The following ZNF333 variants were observed in gnomAD, a reference collection of about 807,000 sequenced individuals.
ZNF333 encodes zinc finger protein 333.
In ZNF333, 61 loss-of-function variants were observed where a neutral mutation model predicts 76.1. The observed-to-expected ratio is 0.80, with a 90% CI of 0.65 to 0.99. ZNF333 has a LOEUF of 0.99. Ranked by LOEUF, ZNF333 falls within the 50% of genes least tolerant of loss-of-function variation. ZNF333 has a pLI of 0.00. For missense variants in ZNF333, 717 were observed against 822.4 expected (o/e 0.87, Z 1.57); for synonymous variants, 284 against 305.0 (o/e 0.93, Z 0.72).
chr19:14,716,043 G>A (rs2042419714), intron 8 of ZNF333, 69 bp from the exon 9 acceptor site: 8 of 1,596,000 alleles, frequency 5.0e-6, no homozygotes, highest in Non-Finnish European at 6.8e-6. Context: ...AGGCTTGCCA[G>A]CCTCCAGCAT....
intron 2 of ZNF333, among the ~76,000 whole-genome samples, chr19:14,694,344 G>A (rs1973005328): frequency 6.6e-6 from 1 of 151,994 alleles, no homozygotes; most frequent in African/African-American, 2.4e-5. Context: ...TGTGTGGCAC[G>A]TGCCTGTAAT....
intron 11 of ZNF333, 127 bp from the exon 12 acceptor site, chr19:14,718,100 GT>G: frequency 7.8e-7 from 1 of 1,282,424 alleles, no homozygotes; most frequent in Non-Finnish European, 1.0e-6. Flanking sequence ...GATAGAAATG[GT>G]ATGGACTCCA....
chr19:14,700,729 C>T (rs2041931673), intron 5 of ZNF333, among the ~76,000 whole-genome samples: 1 of 152,110 alleles, frequency 6.6e-6, no homozygotes, highest in African/African-American at 2.4e-5. Context: ...TAGAAGGAGG[C>T]ACAGAGCTCA....
chr19:14,689,816 C>A (rs1469624393), upstream of ZNF333: 1 of 151,270 alleles, frequency 6.6e-6, no homozygotes, highest in African/African-American at 2.4e-5. Context: ...TGCCCCGGGA[C>A]CTAAGCCCCA....
At chr19:14,713,218 C>G (rs1036333147) in intron 7 of ZNF333, among the ~76,000 whole-genome samples, 4 of 152,078 alleles carry the variant, frequency 2.6e-5, no homozygotes, top group African/African-American at 9.7e-5. Flanking sequence ...ATGGGGCAAG[C>G]AAAGGATAGA....
rs114263461 is a variant in ZNF333 at position 14,731,103 on chromosome 19, G to A, written c.901-72G>A. 4.2e-4 allele frequency: 581 copies of A among 1,370,960 alleles called. 2 individuals are homozygous for A. The African/African-American group carries it at 7.6e-3, about 18-fold the overall frequency. 84.9% of individuals were successfully genotyped at this position (1,370,960 alleles called of 1,614,324 possible). On this transcript the variant is annotated intron_variant, in intron 11 of 11. Transcript: ENST00000540689. ...CGCCCCTCCTGCCCCCTCCCCCCAA[G>A]GATTGGCCCCTTTATTCATTCAATT...
Position 14,719,228 on chromosome 19 carries a change from C to G in ZNF333, c.1901C>G (p.Thr634Ser), listed in dbSNP as rs2042533629. The change falls in exon 12 of 12, where the codon ACT becomes AGT. Residue 634 changes from threonine (T) to serine (S), a missense_variant. Coordinates refer to ENST00000292530, the MANE Select transcript of ZNF333 (RefSeq NM_032433.4). ...GCCTTCAGGCACAGCTCCTCACTCACTGTACACAAAAGAACCCATGTGGGA... is the reference window on the plus strand; with the variant it reads ...GCCTTCAGGCACAGCTCCTCACTCAGTGTACACAAAAGAACCCATGTGGGA... ...EKAFRHSSSL[T>S]VHKRTHVGRE... The G allele has an allele frequency of 6.2e-7, 1 of 1,614,246 alleles. No homozygotes were observed. The highest frequency in any genetic ancestry group is 8.5e-7 in the Non-Finnish European group (1 of 1,180,044).
chr19:14,728,212 C>CA (rs547568498), intron 11 of ZNF333, among the ~76,000 whole-genome samples: 7 of 151,394 alleles, frequency 4.6e-5, no homozygotes, highest in Non-Finnish European at 7.4e-5. Context: ...GACTCCGTCT[C>CA]AAAAAAAAAT....
intron 11 of ZNF333, among the ~76,000 whole-genome samples, chr19:14,730,459 T>TTTTTCTTCCATCTTC: frequency 6.6e-6 from 1 of 150,914 alleles, no homozygotes; most frequent in East Asian, 1.9e-4. Flanking sequence ...TCCCTTCCTC[T>TTTTTCTTCCATCTTC]CTTTCTTTCA....
rs1218236895 is a variant in ZNF333, at chr19:14,719,336, G to A, written c.*11G>A. The A allele has an allele frequency of 5.7e-6, 9 of 1,587,488 alleles. No homozygotes were observed. The Admixed American group carries it at 1.1e-4, about 19-fold the overall frequency. On this transcript the variant is annotated 3_prime_UTR_variant, in exon 12 of 12. Transcript: ENST00000292530. ...CCCCTTGCTAATTAACTTCCATTTTGTAAAAATATAAACACATGGGGCTAT... is the reference window on the plus strand; with the variant it reads ...CCCCTTGCTAATTAACTTCCATTTTATAAAAATATAAACACATGGGGCTAT...
intron 4 of ZNF333, 33 bp downstream of exon 4, chr19:14,695,694 C>G: frequency 6.2e-7 from 1 of 1,600,112 alleles, no homozygotes; most frequent in Non-Finnish European, 8.6e-7. Context: ...ATCCCCCGAC[C>G]CCCCTGGTTG....
rs929901155 is a variant in ZNF333, at chr19:14,693,474, A to T, written c.-18A>T. ...AGGGAGAACACCGACTGAGACCTCA[A>T]ACCCTGGCTCCAGTGTCATGGTGAG... On this transcript the variant is annotated 5_prime_UTR_variant, in exon 2 of 12. Transcript: ENST00000292530. 2.5e-6 allele frequency: 4 copies of T among 1,601,814 alleles called. No individual in the cohort carries two copies. In the African/African-American group the frequency reaches 5.3e-5, roughly 21 times the overall value.
chr19:14,697,357 CTTTTTTTTTTTTTTTT>C (rs139125023), intron 4 of ZNF333, among the ~76,000 whole-genome samples: 1 of 90,828 alleles, frequency 1.1e-5, no homozygotes, highest in Non-Finnish European at 2.2e-5. Context: ...TTTTTCTTTT[CTTTTTTTTTTTTTTTT>C]TTTTTTGAGA....
exon 12 of ZNF333, chr19:14,732,986 T>G (rs1459103499): frequency 6.6e-6 from 1 of 152,140 alleles, no homozygotes; most frequent in Non-Finnish European, 1.5e-5. Context: ...TATGGGGATA[T>G]GGGCTCTACA....
chr19:14,728,085 C>T lies in ZNF333; in HGVS notation c.901-3090C>T, dbSNP rs1248519649. 2.6e-5 allele frequency among the ~76,000 whole-genome samples: 4 copies of T among 152,156 alleles called. No individual in the cohort carries two copies. In the South Asian group the frequency reaches 6.2e-4, roughly 24 times the overall value. ...AAAATTAGCCGGGTGTGGTGGTGGG[C>T]GCCTGTAGTCCCAACTACTCGGGAG... On this transcript the variant is annotated intron_variant, in intron 11 of 11. Transcript: ENST00000540689.
At chr19:14,691,834 G>A (rs1033096459) in intron 1 of ZNF333, among the ~76,000 whole-genome samples, 2 of 151,972 alleles carry the variant, frequency 1.3e-5, no homozygotes, top group Non-Finnish European at 2.9e-5. Context: ...CCGCCACCAT[G>A]CCCGGCTAAT....
chr19:14,712,057 G>T (rs1024687595), intron 7 of ZNF333, among the ~76,000 whole-genome samples: 1 of 151,976 alleles, frequency 6.6e-6, no homozygotes, highest in African/African-American at 2.4e-5. Flanking sequence ...GAGGGGCTTG[G>T]GGGTGAGTAC....
chr19:14,709,544 T>A (rs1419128920), intron 7 of ZNF333, among the ~76,000 whole-genome samples: 2 of 152,194 alleles, frequency 1.3e-5, no homozygotes, highest in Non-Finnish European at 2.9e-5. Context: ...GCTCCCCTTC[T>A]CCAAGTTCAT....
intron 2 of ZNF333, among the ~76,000 whole-genome samples, chr19:14,694,194 C>T (rs778647462): frequency 6.6e-6 from 1 of 152,076 alleles, no homozygotes; most frequent in South Asian, 2.1e-4. Context: ...CAGATGAGGC[C>T]GGGCGTGGTG....
Sources: allele counts gnomAD v4.1 joint callset (sites outside exome capture counted in the v4.1 genomes callset), GRCh38; gene constraint gnomAD v4.1.1; transcripts MANE v1.5; gene names NCBI Gene and HGNC (gene_info 2026-07-23, HGNC 2026-07-21).